TPO: variants seen among roughly 807,000 people sequenced by gnomAD.
TPO encodes thyroid microsomal antigen.
TPO carries 78 observed loss-of-function variants against 96.9 expected under a neutral mutation model. The observed-to-expected ratio is 0.81, with a 90% CI of 0.67 to 0.97. TPO has a LOEUF of 0.97. Ranked by LOEUF, TPO falls within the 50% of genes least tolerant of loss-of-function variation. The pLI, the probability that TPO is intolerant of heterozygous loss-of-function variation, is 0.00. For missense variants in TPO, 1,252 were observed against 1,274.8 expected (o/e 0.98, Z 0.27); for synonymous variants, 547 against 538.0 (o/e 1.02, Z -0.23).
chr2:1,426,610 G>T (rs1664433454), intron 3 of TPO, among the ~76,000 whole-genome samples: 1 of 152,164 alleles, frequency 6.6e-6, no homozygotes, highest in Non-Finnish European at 1.5e-5. Context: ...TAAAGTCATT[G>T]TTTTAGATGC....
At position 1,531,908 on chromosome 2, in the gene TPO, T is replaced by C. The variant is rs1262805390; in HGVS notation, c.2619-8686T>C. On this transcript the variant is annotated intron_variant, in intron 15 of 16. Transcript: ENST00000329066. ...AATCACCCTACTGTGTGCAACCTCC[T>C]CAAATCACCCCCACTGTGTGCAACC... Among the ~76,000 whole-genome samples, 17 of 58,310 alleles carry C rather than the reference T, an allele frequency of 2.9e-4. 1 individual carries two copies. The highest frequency in any genetic ancestry group is 9.7e-4 in the African/African-American group (14 of 14,444). The allele number at this position is 58,310 out of a possible 152,430, so 38.3% of individuals were successfully genotyped here.
At chr2:1,457,769 G>A (rs1667975667) in intron 7 of TPO, among the ~76,000 whole-genome samples, 1 of 151,482 alleles carries the variant, frequency 6.6e-6, no homozygotes, top group African/African-American at 2.4e-5. Flanking sequence ...CACATGTATT[G>A]GCACATCACA....
chr2:1,535,556 T>C (rs1322713786), intron 15 of TPO, among the ~76,000 whole-genome samples: 2 of 53,060 alleles, frequency 3.8e-5, no homozygotes, highest in African/African-American at 1.4e-4. Flanking sequence ...AATCACCACA[T>C]TGTGAGCAAC....
At chr2:1,429,313 G>A (rs888999700) in intron 3 of TPO, among the ~76,000 whole-genome samples, 4 of 152,164 alleles carry the variant, frequency 2.6e-5, no homozygotes, top group Admixed American at 6.5e-5. Flanking sequence ...AGCCAGGCAG[G>A]TGCAGGAGCC....
At chr2:1,541,009 G>T in intron 16 of TPO, 1 of 1,386,628 alleles carries the variant, frequency 7.2e-7, no homozygotes, top group Non-Finnish European at 9.5e-7. Flanking sequence ...CTGAGGATCG[G>T]CTGGAAGCAC....
At chr2:1,467,679 G>A (rs542528595) in intron 7 of TPO, among the ~76,000 whole-genome samples, 2 of 152,156 alleles carry the variant, frequency 1.3e-5, no homozygotes, top group Non-Finnish European at 2.9e-5. Flanking sequence ...TGGGTAGAAT[G>A]TTCTGTAAAT....
At chr2:1,515,706 C>G (rs114521982) in intron 14 of TPO, among the ~76,000 whole-genome samples, 3 of 151,990 alleles carry the variant, frequency 2.0e-5, no homozygotes, top group Admixed American at 1.3e-4. Context: ...CTAAGTGGCA[C>G]AGGGAACCGC....
In TPO at chr2:1,477,196, G is replaced by T; in HGVS notation, c.930G>T (p.Thr310=). 1 of 1,609,940 alleles carries T rather than the reference G, an allele frequency of 6.2e-7. No homozygotes were observed. The highest frequency in any genetic ancestry group is 8.5e-7 in the Non-Finnish European group (1 of 1,178,964). The part of the protein sequence containing the change: ...DQGALFGNLS[T]ANPRQQMNGL... ...GCGCGCTCTTTGGGAACCTGTCCAC[G>T]GCCAACCCGCGGCAGCAGATGAACG... Residue 310 remains threonine (T), a synonymous_variant, in exon 8 of 17, where the codon ACG becomes ACT. Coordinates refer to ENST00000329066, the MANE Select transcript of TPO (RefSeq NM_001206744.2).
chr2:1,511,241 T>A (rs1674084985), intron 14 of TPO, among the ~76,000 whole-genome samples: 1 of 144,638 alleles, frequency 6.9e-6, no homozygotes, highest in Non-Finnish European at 1.5e-5. Flanking sequence ...CCCTGCAGAC[T>A]GGGGGTGCCA....
At chr2:1,459,567 G>C (rs910571404) in intron 7 of TPO, among the ~76,000 whole-genome samples, 7 of 152,170 alleles carry the variant, frequency 4.6e-5, no homozygotes, top group African/African-American at 7.2e-5. Context: ...TGTGTGCTAG[G>C]CAGGCTGAAA....
chr2:1,529,311 C>G (rs1395619885), intron 15 of TPO, among the ~76,000 whole-genome samples: 1 of 116,894 alleles, frequency 8.6e-6, no homozygotes, highest in Admixed American at 8.8e-5. Flanking sequence ...AATCCCCCCA[C>G]TGTGTGCAAC....
At chr2:1,473,735 C>T (rs1435409841) in intron 7 of TPO, among the ~76,000 whole-genome samples, 1 of 151,862 alleles carries the variant, frequency 6.6e-6, no homozygotes, top group Non-Finnish European at 1.5e-5. Flanking sequence ...TAAATTTACA[C>T]ACCTGATTTT....
At chr2:1,440,117 A>C (rs981225863) in intron 5 of TPO, among the ~76,000 whole-genome samples, 2 of 151,378 alleles carry the variant, frequency 1.3e-5, no homozygotes, top group African/African-American at 2.4e-5. Flanking sequence ...CTGCGTTTCC[A>C]ATGTGCTACA....
At chr2:1,519,244 T>A (rs1167947977) in intron 15 of TPO, among the ~76,000 whole-genome samples, 2 of 152,218 alleles carry the variant, frequency 1.3e-5, no homozygotes, top group Non-Finnish European at 2.9e-5. Context: ...AATGAAGTGC[T>A]ATGATTGTGT....
intron 10 of TPO, among the ~76,000 whole-genome samples, chr2:1,492,241 G>A (rs1054567101): frequency 2.0e-5 from 3 of 152,016 alleles, no homozygotes; most frequent in South Asian, 4.1e-4. Context: ...GGCAACCTCC[G>A]TCTCCCAGGT....
chr2:1,531,711 TC>T (rs1350634797), intron 15 of TPO, among the ~76,000 whole-genome samples: 1 of 63,680 alleles, frequency 1.6e-5, no homozygotes, highest in African/African-American at 6.1e-5. Flanking sequence ...CCTCGCCAAA[TC>T]CCCCCCACTC....
intron 14 of TPO, among the ~76,000 whole-genome samples, chr2:1,508,297 T>C (rs1243950378): frequency 6.6e-6 from 1 of 152,194 alleles, no homozygotes; most frequent in Non-Finnish European, 1.5e-5. Flanking sequence ...CAGTATTTTA[T>C]TGAGGATTTT....
intron 14 of TPO, among the ~76,000 whole-genome samples, chr2:1,504,784 A>G (rs1301839470): frequency 6.6e-6 from 1 of 152,080 alleles, no homozygotes; most frequent in South Asian, 2.1e-4. Flanking sequence ...TCACACAGCC[A>G]CTCCGTAGCT....
At chr2:1,537,116 T>G (rs1679910120) in intron 15 of TPO, among the ~76,000 whole-genome samples, 1 of 67,130 alleles carries the variant, frequency 1.5e-5, no homozygotes, top group Admixed American at 1.8e-4. Context: ...CCTCCCTAGA[T>G]CCCCCCTATG....
Sources: allele counts gnomAD v4.1 joint callset (sites outside exome capture counted in the v4.1 genomes callset), GRCh38; gene constraint gnomAD v4.1.1; transcripts MANE v1.5; gene names NCBI Gene and HGNC (gene_info 2026-07-23, HGNC 2026-07-21).